Variants in PARM1 observed in about 807,000 individuals in gnomAD.
PARM1 encodes WSC4, cell wall integrity and stress response component 4 homolog.
A neutral mutation model predicts 24.6 loss-of-function variants in PARM1; 14 were observed. That is an observed-to-expected ratio of 0.57 (90% confidence interval 0.38 to 0.89). The LOEUF is 0.89. Ranked by LOEUF, PARM1 falls within the 40% of genes least tolerant of loss-of-function variation. PARM1 has a pLI of 0.00. For synonymous variants in PARM1, 179 were observed against 156.6 expected, an observed-to-expected ratio of 1.14 and a Z score of -1.07; for missense variants, 362 against 380.4, an observed-to-expected ratio of 0.95 and a Z score of 0.40.
chr4:74,976,845 C>T (rs1722147507), intron 1 of PARM1, among the ~76,000 whole-genome samples: 2 of 152,160 alleles, frequency 1.3e-5, no homozygotes, highest in African/African-American at 2.4e-5. Context: ...CCCCAGAAAA[C>T]CACAGCAGCC....
intron 2 of PARM1, among the ~76,000 whole-genome samples, chr4:75,023,568 C>A (rs1723125650): frequency 6.6e-6 from 1 of 152,182 alleles, no homozygotes; most frequent in Admixed American, 6.5e-5. Flanking sequence ...GTGATTATTA[C>A]TGTGAATATT....
chr4:74,971,897 A>G (rs749920116), intron 1 of PARM1, among the ~76,000 whole-genome samples: 1 of 152,266 alleles, frequency 6.6e-6, no homozygotes, highest in Non-Finnish European at 1.5e-5. Context: ...TTCTTCCTGC[A>G]GCACTGATTA....
chr4:74,950,739 GT>G (rs148562816), intron 1 of PARM1, among the ~76,000 whole-genome samples: 8 of 151,682 alleles, frequency 5.3e-5, no homozygotes, highest in Admixed American at 2.0e-4. Context: ...ATCACATCAA[GT>G]TTTTTTTATT....
intron 2 of PARM1, among the ~76,000 whole-genome samples, chr4:75,021,156 A>T (rs1235243734): frequency 4.6e-5 from 7 of 152,346 alleles, no homozygotes; most frequent in Non-Finnish European, 8.8e-5. Context: ...TGACAATATC[A>T]ATCTTTAGAC....
At chr4:75,032,053 T>C (rs1723285891) in intron 2 of PARM1, among the ~76,000 whole-genome samples, 1 of 152,182 alleles carries the variant, frequency 6.6e-6, no homozygotes, top group African/African-American at 2.4e-5. Context: ...AGTCTGCACA[T>C]TTGAGCATTC....
chr4:75,021,891 G>A (rs1033670958), intron 2 of PARM1, among the ~76,000 whole-genome samples: 1 of 152,126 alleles, frequency 6.6e-6, no homozygotes, highest in Admixed American at 6.5e-5. Context: ...CTATGTCTTT[G>A]CTATTGTGAA....
intron 1 of PARM1, among the ~76,000 whole-genome samples, chr4:74,982,470 A>G (rs1361514463): frequency 6.6e-6 from 1 of 152,224 alleles, no homozygotes; most frequent in African/African-American, 2.4e-5. Flanking sequence ...TAAAATTAAA[A>G]TTAAGAAAAT....
intron 2 of PARM1, among the ~76,000 whole-genome samples, chr4:75,020,720 C>T (rs983515875): frequency 1.3e-5 from 2 of 152,210 alleles, no homozygotes; most frequent in Non-Finnish European, 2.9e-5. Context: ...TCTGCACCAC[C>T]CACACTGGCT....
intron 1 of PARM1, among the ~76,000 whole-genome samples, chr4:74,946,319 A>C (rs991902451): frequency 6.6e-6 from 1 of 152,126 alleles, no homozygotes; most frequent in African/African-American, 2.4e-5. Context: ...AGTCTCTAGA[A>C]TTTTTCCCAA....
intron 1 of PARM1, among the ~76,000 whole-genome samples, chr4:74,940,558 C>A (rs1232508660): frequency 1.3e-5 from 2 of 152,184 alleles, no homozygotes; most frequent in Non-Finnish European, 2.9e-5. Context: ...TAACCACTTC[C>A]TAAAGACCCC....
intron 1 of PARM1, among the ~76,000 whole-genome samples, chr4:74,966,379 A>G (rs1721902529): frequency 6.6e-6 from 1 of 152,202 alleles, no homozygotes; most frequent in South Asian, 2.1e-4. Context: ...CAATGAGTAG[A>G]GTGAGGGGGT....
chr4:75,000,116 G>A (rs1354341625), intron 1 of PARM1, among the ~76,000 whole-genome samples: 1 of 152,116 alleles, frequency 6.6e-6, no homozygotes, highest in Non-Finnish European at 1.5e-5. Context: ...CAGAGCTGAT[G>A]CCATGAGGAG....
chr4:74,958,144 C>T (rs1381571070), intron 1 of PARM1, among the ~76,000 whole-genome samples: 1 of 152,136 alleles, frequency 6.6e-6, no homozygotes, highest in Non-Finnish European at 1.5e-5. Flanking sequence ...TCTAAAACTG[C>T]GTGTTCCAAG....
chr4:74,955,193 G>C (rs1368327564), intron 1 of PARM1, among the ~76,000 whole-genome samples: 2 of 151,184 alleles, frequency 1.3e-5, no homozygotes, highest in Non-Finnish European at 2.9e-5. Flanking sequence ...AAATAACTAA[G>C]CTTACTCTAT....
intron 1 of PARM1, chr4:74,967,033 C>A (rs1292650389): frequency 6.6e-6 from 1 of 152,166 alleles, no homozygotes; most frequent in Non-Finnish European, 1.5e-5. Context: ...GTCAAAAGAT[C>A]CTTATCCAGG....
intron 1 of PARM1, among the ~76,000 whole-genome samples, chr4:74,939,046 G>T (rs1721249253): frequency 6.6e-6 from 1 of 152,034 alleles, no homozygotes; most frequent in South Asian, 2.1e-4. Context: ...GCAATATTTG[G>T]GACTTACTTA....
At chr4:74,939,938 C>T (rs1721270444) in intron 1 of PARM1, among the ~76,000 whole-genome samples, 1 of 152,100 alleles carries the variant, frequency 6.6e-6, no homozygotes, top group Admixed American at 6.5e-5. Context: ...CAAATTCCAA[C>T]ATTTGATTTT....
At chr4:74,961,177 G>A (rs1255793735) in intron 1 of PARM1, among the ~76,000 whole-genome samples, 2 of 152,126 alleles carry the variant, frequency 1.3e-5, no homozygotes, top group Non-Finnish European at 2.9e-5. Flanking sequence ...TTGCCAGTAA[G>A]ATTCAAAGAC....
intron 1 of PARM1, among the ~76,000 whole-genome samples, chr4:75,000,625 T>A (rs1722660310): frequency 6.6e-6 from 1 of 152,196 alleles, no homozygotes; most frequent in Admixed American, 6.5e-5. Flanking sequence ...CTTTTTCAGA[T>A]GTCTCATAGC....
Sources: allele counts gnomAD v4.1 joint callset (sites outside exome capture counted in the v4.1 genomes callset), GRCh38; gene constraint gnomAD v4.1.1; transcripts MANE v1.5; gene names NCBI Gene and HGNC (gene_info 2026-07-23, HGNC 2026-07-21).